ONECUT3: variants seen among roughly 807,000 people sequenced by gnomAD.
The protein encoded by ONECUT3 is one cut homeobox 3, also known as one cut domain family member 3.
In ONECUT3, 11 loss-of-function variants were observed where a neutral mutation model predicts 16.8. That is an observed-to-expected ratio of 0.66 (90% CI 0.41 to 1.09). ONECUT3 has a LOEUF of 1.09. ONECUT3 is among the 50% of genes least tolerant of loss of function. The probability of loss-of-function intolerance (pLI) is 0.00; values close to 1 mark genes in which losing one functional copy is unlikely to be tolerated. For synonymous variants in ONECUT3, 344 were observed against 310.7 expected, an observed-to-expected ratio of 1.11 and a Z score of -1.13; for missense variants, 637 against 629.9, an observed-to-expected ratio of 1.01 and a Z score of -0.12.
rs1164224752 is a variant in ONECUT3 at position 1,758,622 on chromosome 19, CA to C, written c.1192+3769del. ...TGGACCCCGTCGTCTGGGAGTCCTG[CA>C]GCCCCCAAGCCCATTCCCATGGGGC... is the stretch of plus-strand genomic sequence containing the variant. On this transcript the variant is annotated intron_variant, in intron 1 of 1. Transcript: ENST00000382349. The surrounding 1 kb of genome is among the most constrained non-coding windows in gnomAD (Gnocchi z 5.9). Among the ~76,000 whole-genome samples, 1 of 152,288 alleles carries C rather than the reference CA, an allele frequency of 6.6e-6. No homozygotes were observed. The highest frequency in any genetic ancestry group is 2.1e-4 in the South Asian group (1 of 4,830).
In ONECUT3 at chr19:1,754,609, C is replaced by T; in HGVS notation, c.947C>T (p.Ala316Val). The change falls in exon 1 of 2, where the codon GCA becomes GTA. Residue 316 changes from alanine to valine, a missense_variant. Ala to Val is a moderately conservative substitution (Grantham distance 64, BLOSUM62 0). This residue lies in a region of ONECUT3 where 419 missense variants were observed against 377.9 expected (regional missense o/e 1.11). Transcript: ENST00000382349. This position sits in a 1 kb window ranked among gnomAD's most constrained non-coding sequence, Gnocchi z 7.4. ...AGCGGCGGCGGCCCCAGCGCGGGCGCAGCGGCCGAGGAGATCAACACCAAG... is the reference window on the plus strand; with the variant it reads ...AGCGGCGGCGGCCCCAGCGCGGGCGTAGCGGCCGAGGAGATCAACACCAAG... ...GGSGGGPSAGAAAEEINTKEV... is the reference protein window; with the variant it reads ...GGSGGGPSAGVAAEEINTKEV... 3 of 1,382,000 alleles carry T rather than the reference C, an allele frequency of 2.2e-6. No homozygotes were observed. Among genetic ancestry groups the T allele is most frequent in the Non-Finnish European group, 2.8e-6 (3 of 1,057,788 alleles). The allele number at this position is 1,382,000 out of a possible 1,614,324, so 85.6% of individuals were successfully genotyped here.
At chr19:1,768,104 G>A (rs566697778) in intron 1 of ONECUT3, among the ~76,000 whole-genome samples, 1 of 152,186 alleles carries the variant, frequency 6.6e-6, no homozygotes, top group Admixed American at 6.5e-5. Context: ...GCATGGAGTG[G>A]GCATCCTGTC....
chr19:1,766,565 G>A lies in ONECUT3; in HGVS notation c.1193-8588G>A, dbSNP rs952617984. On this transcript the variant is annotated intron_variant, in intron 1 of 1. Transcript: ENST00000382349. The surrounding 1 kb of genome is among the most constrained non-coding windows in gnomAD (Gnocchi z 4.0). ...GGAAAAGAAAAGAGCAGAGAGGGGAGAGGGAGGGAGGGTGAGTGGAAAAGG... is the reference window on the plus strand; with the variant it reads ...GGAAAAGAAAAGAGCAGAGAGGGGAAAGGGAGGGAGGGTGAGTGGAAAAGG... 6.6e-5 allele frequency among the ~76,000 whole-genome samples: 10 copies of A among 150,422 alleles called. No homozygotes were observed. Among genetic ancestry groups the A allele is most frequent in the Non-Finnish European group, 1.2e-4 (8 of 67,000 alleles).
intron 1 of ONECUT3, among the ~76,000 whole-genome samples, chr19:1,769,001 G>GAGA (rs2068025263): frequency 1.1e-5 from 1 of 92,448 alleles, no homozygotes; most frequent in Non-Finnish European, 2.5e-5. Context: ...GGAGGTGATG[G>GAGA]TGGAGGTGGT....
Position 1,759,654 on chromosome 19 carries a change from TG to T in ONECUT3, c.1192+4805del, listed in dbSNP as rs1416323424. Among the ~76,000 whole-genome samples, 1 of 152,130 alleles carries T rather than the reference TG, an allele frequency of 6.6e-6. No individual in the cohort carries two copies. Among genetic ancestry groups the T allele is most frequent in the South Asian group, 2.1e-4 (1 of 4,830 alleles). On this transcript the variant is annotated intron_variant, in intron 1 of 1. Transcript: ENST00000382349. The surrounding 1 kb of genome is among the most constrained non-coding windows in gnomAD (Gnocchi z 4.1). ...ACTAGACAGTAGAGATAACCAAGGT[TG>T]GGGGCTTGGAGACCCGGGCCTTCCC...
chr19:1,775,565 T>A lies in ONECUT3; in HGVS notation c.*120T>A. The A allele has an allele frequency of 9.8e-7, 1 of 1,016,020 alleles. No homozygotes were observed. The highest frequency in any genetic ancestry group is 1.3e-6 in the Non-Finnish European group (1 of 742,402). 62.9% of individuals were successfully genotyped at this position (1,016,020 alleles called of 1,614,324 possible). A position where few individuals can be genotyped will look rare whatever the true frequency, so the allele number is the denominator to read the frequency against. ...CAGGGGGCACCTGGAGGGGGTGCTA[T>A]CCGGGCCCCCCACACCCGGGGAGGG... On this transcript the variant is annotated 3_prime_UTR_variant, in exon 2 of 2. Transcript: ENST00000382349.
intron 1 of ONECUT3, among the ~76,000 whole-genome samples, chr19:1,770,432 GT>G (rs1306636231): frequency 6.6e-6 from 1 of 152,096 alleles, no homozygotes; most frequent in Non-Finnish European, 1.5e-5. Context: ...GCAAGACCCT[GT>G]CTCAAAACAA....
At position 1,753,685 on chromosome 19, in the gene ONECUT3, T is replaced by TG; in HGVS notation, c.29dup (p.Leu11ProfsTer465). ...AGCATGGAGCTGAGCCTGGAGAGCC[T>TG]GGGGGGCCTGCACAGCGTGGCCCAC... On this transcript the variant is annotated frameshift_variant, in exon 1 of 2. Transcript: ENST00000382349. LOFTEE classifies it high-confidence loss of function. 2.9e-6 allele frequency: 3 copies of TG among 1,045,758 alleles called. No individual in the cohort carries two copies. Among genetic ancestry groups the TG allele is most frequent in the Non-Finnish European group, 2.3e-6 (2 of 870,932 alleles). 64.8% of individuals were successfully genotyped at this position (1,045,758 alleles called of 1,614,324 possible).
intron 1 of ONECUT3, among the ~76,000 whole-genome samples, chr19:1,772,904 C>T (rs1359831549): frequency 2.8e-5 from 4 of 144,996 alleles, no homozygotes; most frequent in Middle Eastern, 7.5e-3. Flanking sequence ...AGGGTTTCAC[C>T]GTGTTAGCCA....
At chr19:1,767,429 G>A (rs943664517) in intron 1 of ONECUT3, among the ~76,000 whole-genome samples, 1 of 151,668 alleles carries the variant, frequency 6.6e-6, no homozygotes, top group Admixed American at 6.6e-5. Context: ...GGGGTGGTTG[G>A]CTGTCCCCAG....
In ONECUT3 at chr19:1,778,015, A is replaced by AAAAAAAAAAAC. The variant is rs1555801681; in HGVS notation, c.*2573_*2574insAAAAAAACAAA. 6.9e-6 allele frequency: 1 copy of AAAAAAAAAAAC among 144,772 alleles called. No homozygotes were observed. Among genetic ancestry groups the AAAAAAAAAAAC allele is most frequent in the Non-Finnish European group, 1.5e-5 (1 of 65,890 alleles). The allele number at this position is 144,772 out of a possible 1,614,324, so 9.0% of individuals were successfully genotyped here. On this transcript the variant is annotated 3_prime_UTR_variant, in exon 2 of 2. Coordinates refer to ENST00000382349, the MANE Select transcript of ONECUT3 (RefSeq NM_001080488.2). ...CCTCTCAAAAAAAAAAAAAAAAAAA[A>AAAAAAAAAAAC]AAACTTTAGGTCCAAGAAGATGCAC... is the stretch of plus-strand genomic sequence containing the variant.
intron 1 of ONECUT3, among the ~76,000 whole-genome samples, chr19:1,765,277 C>A (rs1192681109): frequency 5.9e-5 from 9 of 152,196 alleles, no homozygotes. Flanking sequence ...GTCTCTCCTG[C>A]CGTGCCGCCC....
intron 1 of ONECUT3, among the ~76,000 whole-genome samples, chr19:1,761,581 A>T (rs534690588): frequency 6.6e-6 from 1 of 152,296 alleles, no homozygotes; most frequent in East Asian, 1.9e-4. Context: ...GAGGTGGGAA[A>T]GTCCTGAGCA....
Position 1,755,918 on chromosome 19 carries a change from G to T in ONECUT3, c.1192+1064G>T, listed in dbSNP as rs979900131. Among the ~76,000 whole-genome samples, 1 of 152,100 alleles carries T rather than the reference G, an allele frequency of 6.6e-6. No individual in the cohort carries two copies. Among genetic ancestry groups the T allele is most frequent in the Admixed American group, 6.5e-5 (1 of 15,272 alleles). On this transcript the variant is annotated intron_variant, in intron 1 of 1. Transcript: ENST00000382349. This position sits in a 1 kb window ranked among gnomAD's most constrained non-coding sequence, Gnocchi z 7.5. ...TGCAGGAGGGCCCCTGGCCTAGGTG[G>T]GGGTTTCTTTCCCTGGTGGTGCTGG... is the stretch of plus-strand genomic sequence containing the variant.
rs1028462846 is a variant in ONECUT3 at position 1,758,356 on chromosome 19, C to T, written c.1192+3502C>T. 1.3e-5 allele frequency among the ~76,000 whole-genome samples: 2 copies of T among 150,050 alleles called. No individual in the cohort carries two copies. The highest frequency in any genetic ancestry group is 4.9e-5 in the African/African-American group (2 of 40,638). ...GAGAGACAGAGATGGGAGAGGAACTCTGGGTGCTGGAGGCTGCCTCTGTGT... is the reference window on the plus strand; with the variant it reads ...GAGAGACAGAGATGGGAGAGGAACTTTGGGTGCTGGAGGCTGCCTCTGTGT... On this transcript the variant is annotated intron_variant, in intron 1 of 1. Coordinates refer to ENST00000382349, the MANE Select transcript of ONECUT3 (RefSeq NM_001080488.2). The surrounding 1 kb of genome is among the most constrained non-coding windows in gnomAD (Gnocchi z 5.9).
rs1041652387 is a variant in ONECUT3, at chr19:1,780,620, G to C, written c.*5175G>C. 25 of 152,420 alleles carry C rather than the reference G, an allele frequency of 1.6e-4. No individual in the cohort carries two copies. Among genetic ancestry groups the C allele is most frequent in the Admixed American group, 1.4e-3 (22 of 15,308 alleles). The allele number at this position is 152,420 out of a possible 1,614,324, so 9.4% of individuals were successfully genotyped here. On this transcript the variant is annotated 3_prime_UTR_variant, in exon 2 of 2. Coordinates refer to ENST00000382349, the MANE Select transcript of ONECUT3 (RefSeq NM_001080488.2). ...TGGGCCTGGGGCTGAGGGCTCAGCT[G>C]ACCTCAAATCTGAAATGATGCCGGG... is the stretch of plus-strand genomic sequence containing the variant.
rs1286518180 is a variant in ONECUT3 at position 1,759,329 on chromosome 19, T to C, written c.1192+4475T>C. On this transcript the variant is annotated intron_variant, in intron 1 of 1. Coordinates refer to ENST00000382349, the MANE Select transcript of ONECUT3 (RefSeq NM_001080488.2). This position sits in a 1 kb window ranked among gnomAD's most constrained non-coding sequence, Gnocchi z 4.1. ...CTCATACAGGCCCTCCCTCCCCGGC[T>C]TCTCCCCCCTACCCGCTGCCACCAT... 6.6e-6 allele frequency among the ~76,000 whole-genome samples: 1 copy of C among 151,428 alleles called. No homozygotes were observed.
chr19:1,757,222 G>C (rs1172694742), intron 1 of ONECUT3, among the ~76,000 whole-genome samples: 1 of 152,204 alleles, frequency 6.6e-6, no homozygotes, highest in Non-Finnish European at 1.5e-5. Context: ...ACCTGACCCT[G>C]CACCCAGGTG....
Position 1,759,344 on chromosome 19 carries a change from G to A in ONECUT3, c.1192+4490G>A, listed in dbSNP as rs1388520325. 6.9e-6 allele frequency among the ~76,000 whole-genome samples: 1 copy of A among 144,636 alleles called. No homozygotes were observed. The highest frequency in any genetic ancestry group is 2.3e-4 in the South Asian group (1 of 4,438). The allele number at this position is 144,636 out of a possible 152,430, so 94.9% of individuals were successfully genotyped here. On this transcript the variant is annotated intron_variant, in intron 1 of 1. Transcript: ENST00000382349. This position sits in a 1 kb window ranked among gnomAD's most constrained non-coding sequence, Gnocchi z 4.1. ...CCTCCCCGGCTTCTCCCCCCTACCC[G>A]CTGCCACCATCAAGGGCTGAGGTTG...
Sources: gnomAD v4.1 joint callset for allele counts (sites outside exome capture counted in the v4.1 genomes callset) on GRCh38, gnomAD v4.1.1 for gene constraint, gnomAD v4.1.1 regional missense constraint, Gnocchi (gnomAD v3.1) non-coding constraint, MANE v1.5 for transcripts, NCBI Gene and HGNC (gene_info 2026-07-23, HGNC 2026-07-21) for gene names.